Variants in TAF4B observed in about 807,000 individuals in gnomAD.
TAF4B encodes the protein transcription initiation factor TFIID subunit 4B.
In TAF4B, 38 loss-of-function variants were observed where a neutral mutation model predicts 86.4. That is an observed-to-expected ratio of 0.44 (90% confidence interval 0.34 to 0.58). The LOEUF (loss-of-function observed/expected upper bound fraction) is 0.58, where lower values mean the gene tolerates loss of function less well. Among genes scored for constraint, TAF4B ranks in the 20% least tolerant of loss-of-function variants. The pLI is 0.02. For synonymous variants in TAF4B, 388 were observed against 391.2 expected (o/e 0.99, Z 0.10); for missense variants, 988 against 1,027.6 (o/e 0.96, Z 0.53).
intron 9 of TAF4B, among the ~76,000 whole-genome samples, chr18:26,308,813 A>G (rs1324799404): frequency 2.8e-5 from 4 of 144,512 alleles, no homozygotes; most frequent in African/African-American, 7.6e-5. Flanking sequence ...CGGAGGATGC[A>G]GTGAGCCGAG....
At chr18:26,312,116 T>A (rs538963130) in intron 9 of TAF4B, among the ~76,000 whole-genome samples, 2 of 152,222 alleles carry the variant, frequency 1.3e-5, no homozygotes, top group African/African-American at 4.8e-5. Flanking sequence ...AGATTGTCTT[T>A]CACAGCACCT....
intron 10 of TAF4B, among the ~76,000 whole-genome samples, chr18:26,317,031 T>C (rs2056919569): frequency 6.6e-6 from 1 of 151,056 alleles, no homozygotes; most frequent in Admixed American, 6.6e-5. Flanking sequence ...TTCCGATTTT[T>C]TTTTTTTTTT....
intron 14 of TAF4B, among the ~76,000 whole-genome samples, chr18:26,386,611 T>A (rs1337356372): frequency 6.6e-6 from 1 of 152,122 alleles, no homozygotes; most frequent in Non-Finnish European, 1.5e-5. Flanking sequence ...TCTCCTGACT[T>A]TTTTTTAGCT....
Position 26,387,704 on chromosome 18 carries a change from C to T in TAF4B, c.2422-2141C>T, listed in dbSNP as rs1348847085. Among the ~76,000 whole-genome samples, 6 of 152,140 alleles carry T rather than the reference C, an allele frequency of 3.9e-5. No individual in the cohort carries two copies. The East Asian group carries it at 1.2e-3, about 29-fold the overall frequency. ...GTAGATGGGCTCTGGGATAAGTAGC[C>T]GAACAATTGGGCAGCTGAGACCAAT... is the stretch of plus-strand genomic sequence containing the variant. On this transcript the variant is annotated intron_variant, in intron 14 of 14. Transcript: ENST00000269142.
At chr18:26,322,602 C>T (rs1428407289) in intron 11 of TAF4B, among the ~76,000 whole-genome samples, 1 of 152,022 alleles carries the variant, frequency 6.6e-6, no homozygotes, top group Non-Finnish European at 1.5e-5. Flanking sequence ...CCTTACATTA[C>T]TGATTTTTGT....
chr18:26,365,849 G>A (rs1453479465), intron 14 of TAF4B, among the ~76,000 whole-genome samples: 1 of 152,072 alleles, frequency 6.6e-6, no homozygotes, highest in East Asian at 1.9e-4. Flanking sequence ...GAGAGCAGTG[G>A]TGCGATCTCA....
chr18:26,226,885 C>G lies in TAF4B; in HGVS notation c.-49C>G. ...TGCCGCGCGCCAAGCCTCCCCTCAC[C>G]TCTGCTCCCGGAACCGCAGCGCCAA... On this transcript the variant is annotated 5_prime_UTR_variant, in exon 1 of 15. Transcript: ENST00000269142. 2 of 1,331,684 alleles carry G rather than the reference C, an allele frequency of 1.5e-6. No individual in the cohort carries two copies. The highest frequency in any genetic ancestry group is 1.9e-6 in the Non-Finnish European group (2 of 1,043,904). 82.5% of individuals were successfully genotyped at this position (1,331,684 alleles called of 1,614,324 possible).
chr18:26,301,965 T>C (rs2144635594), intron 9 of TAF4B, among the ~76,000 whole-genome samples: 1 of 152,294 alleles, frequency 6.6e-6, no homozygotes, highest in Middle Eastern at 3.4e-3. Flanking sequence ...TGGGGTTACT[T>C]CAGTGAGGTT....
intron 9 of TAF4B, 52 bp from the exon 10 acceptor site, chr18:26,315,177 A>ACT (rs2056898494): frequency 9.1e-7 from 1 of 1,101,160 alleles, no homozygotes; most frequent in Non-Finnish European, 1.2e-6. Flanking sequence ...ACACACACAC[A>ACT]CACACACACA....
intron 3 of TAF4B, among the ~76,000 whole-genome samples, chr18:26,267,924 A>G (rs115873737): frequency 2.2e-4 from 33 of 152,304 alleles, no homozygotes; most frequent in African/African-American, 7.5e-4. Context: ...ATGTAGGGAT[A>G]AATACCCATG....
intron 1 of TAF4B, among the ~76,000 whole-genome samples, chr18:26,239,874 G>C (rs1425312694): frequency 3.3e-5 from 5 of 152,134 alleles, no homozygotes; most frequent in Non-Finnish European, 7.4e-5. Context: ...TTTTTGTCAG[G>C]TTTGTCAGAG....
chr18:26,265,371 A>G, intron 2 of TAF4B, 56 bp downstream of exon 2: 1 of 1,526,798 alleles, frequency 6.5e-7, no homozygotes, highest in Non-Finnish European at 8.8e-7. Flanking sequence ...TAATTTTCAT[A>G]TAAATGTTGT....
intron 9 of TAF4B, among the ~76,000 whole-genome samples, chr18:26,299,361 G>A (rs1354750221): frequency 6.6e-6 from 1 of 152,082 alleles, no homozygotes; most frequent in Non-Finnish European, 1.5e-5. Context: ...GAATTACATT[G>A]ATTTTTAAAT....
rs2056496143 is a variant in TAF4B at position 26,285,210 on chromosome 18, C to CTTTCCTTTTTTTTTTTTTTTTTTTTTTT, written c.973-669_973-668insCCTTTTTTTTTTTTTTTTTTTTTTTTTT. On this transcript the variant is annotated intron_variant, in intron 6 of 14. Coordinates refer to ENST00000269142, the MANE Select transcript of TAF4B (RefSeq NM_005640.3). ...CTTTTAAAGACTATTTCTTCCTTTCCTTTTTTTTTTTGTTTTTTTTTTTTT... is the reference window on the plus strand; with the variant it reads ...CTTTTAAAGACTATTTCTTCCTTTCCTTTCCTTTTTTTTTTTTTTTTTTTTTTTTTTTTTTTTTTGTTTTTTTTTTTTT... Among the ~76,000 whole-genome samples, 3 of 42,546 alleles carry CTTTCCTTTTTTTTTTTTTTTTTTTTTTT rather than the reference C, an allele frequency of 7.1e-5. 1 individual carries two copies. The East Asian group carries it at 2.9e-3, about 41-fold the overall frequency. The allele number at this position is 42,546 out of a possible 152,430, so 27.9% of individuals were successfully genotyped here. A position where few individuals can be genotyped will look rare whatever the true frequency, so the allele number is the denominator to read the frequency against.
At chr18:26,378,863 T>G (rs558729829) in intron 14 of TAF4B, among the ~76,000 whole-genome samples, 1 of 152,314 alleles carries the variant, frequency 6.6e-6, no homozygotes, top group Admixed American at 6.5e-5. Context: ...ATTCACATTA[T>G]GCATATCAGT....
intron 2 of TAF4B, 93 bp downstream of exon 2, chr18:26,265,408 G>A (rs758042594): frequency 7.3e-7 from 1 of 1,372,626 alleles, no homozygotes; most frequent in Admixed American, 2.6e-5. Flanking sequence ...AAAAAATAAT[G>A]TAAGACATGA....
chr18:26,266,403 C>A (rs1235460481), intron 2 of TAF4B, among the ~76,000 whole-genome samples: 1 of 151,942 alleles, frequency 6.6e-6, no homozygotes, highest in African/African-American at 2.4e-5. Context: ...GAGTACTGTA[C>A]CCAGCCTATA....
chr18:26,281,933 G>A, intron 5 of TAF4B, 38 bp from the exon 6 acceptor site: 1 of 1,452,702 alleles, frequency 6.9e-7, no homozygotes, highest in Non-Finnish European at 9.6e-7. Context: ...TAAAAGATTT[G>A]TAGACTTAAA....
chr18:26,227,002 G>T lies in TAF4B; in HGVS notation c.69G>T (p.Val23=). Residue 23 remains valine (V), a synonymous_variant, in exon 1 of 15, where the codon GTG becomes GTT. Transcript: ENST00000269142. ...PPAAVSASGT[V]TMAPAGALPV... ...CTGCTGTGAGCGCCTCGGGGACCGT[G>T]ACCATGGCCCCGGCCGGGGCGCTGC... The T allele has an allele frequency of 6.9e-7, 1 of 1,445,394 alleles. No individual in the cohort carries two copies. The highest frequency in any genetic ancestry group is 1.4e-5 in the South Asian group (1 of 71,326). 89.5% of individuals were successfully genotyped at this position (1,445,394 alleles called of 1,614,324 possible).
Sources: allele counts gnomAD v4.1 joint callset (sites outside exome capture counted in the v4.1 genomes callset), GRCh38; gene constraint gnomAD v4.1.1; transcripts MANE v1.5; gene names NCBI Gene and HGNC (gene_info 2026-07-23, HGNC 2026-07-21).